The following LAMB1 variants were observed in gnomAD, a reference collection of about 807,000 sequenced individuals.
The protein encoded by LAMB1 is laminin subunit beta 1, also known as laminin subunit beta-1.
Under a neutral mutation model 222.3 loss-of-function variants are expected in LAMB1, and 121 were observed. That is an observed-to-expected ratio of 0.54 (90% CI 0.47 to 0.63). The LOEUF is 0.63. Ranked by LOEUF, LAMB1 falls within the 30% of genes least tolerant of loss-of-function variation. The pLI, the probability that LAMB1 is intolerant of heterozygous loss-of-function variation, is 0.00. For synonymous variants in LAMB1, 794 were observed against 807.2 expected (o/e 0.98, Z 0.28); for missense variants, 2,172 against 2,240.8 (o/e 0.97, Z 0.62).
chr7:107,957,377 T>C (rs931363893), intron 20 of LAMB1, among the ~76,000 whole-genome samples: 3 of 152,084 alleles, frequency 2.0e-5, no homozygotes, highest in South Asian at 2.1e-4. Flanking sequence ...AGCAACAGAA[T>C]GAGACTCCAT....
intron 7 of LAMB1, among the ~76,000 whole-genome samples, chr7:107,983,875 T>TA (rs2034021460): frequency 6.6e-6 from 1 of 152,118 alleles, no homozygotes; most frequent in Non-Finnish European, 1.5e-5. Context: ...AATTGTGTAA[T>TA]AAGAGCAGTT....
chr7:108,001,523 C>T (rs748287595), intron 3 of LAMB1, 35 bp downstream of exon 3: 19 of 1,546,926 alleles, frequency 1.2e-5, no homozygotes, highest in Non-Finnish European at 1.5e-5. Context: ...GGAGGAGGCG[C>T]TAGCAGAGCC....
chr7:107,977,569 C>T (rs1289307209), intron 9 of LAMB1, among the ~76,000 whole-genome samples: 5 of 152,062 alleles, frequency 3.3e-5, no homozygotes, highest in Admixed American at 6.5e-5. Flanking sequence ...GGGTAGATCA[C>T]TTGAGGTCAG....
chr7:107,964,736 C>T, intron 13 of LAMB1, 49 bp from the exon 14 acceptor site: 1 of 1,602,292 alleles, frequency 6.2e-7, no homozygotes, highest in Non-Finnish European at 8.5e-7. Flanking sequence ...TCACGCGAGT[C>T]AACCCGCCAG....
intron 20 of LAMB1, among the ~76,000 whole-genome samples, chr7:107,956,338 T>C (rs879511285): frequency 3.3e-5 from 5 of 152,266 alleles, no homozygotes; most frequent in Admixed American, 6.5e-5. Flanking sequence ...TCTCAAACTT[T>C]AGCTTCAATC....
chr7:107,969,054 C>T (rs1413127340), intron 13 of LAMB1, among the ~76,000 whole-genome samples: 12 of 151,942 alleles, frequency 7.9e-5, no homozygotes, highest in African/African-American at 2.4e-4. Context: ...TTTGGGAGTC[C>T]GAGGCGAGCG....
intron 24 of LAMB1, chr7:107,942,726 T>C (rs575288712): frequency 1.9e-4 from 29 of 152,236 alleles, no homozygotes; most frequent in African/African-American, 6.5e-4. Flanking sequence ...AATAAATAAA[T>C]TGTTTTTATT....
chr7:108,002,433 C>A, intron 2 of LAMB1: 5 of 1,307,594 alleles, frequency 3.8e-6, no homozygotes, highest in Non-Finnish European at 5.0e-6. Flanking sequence ...AGCCACATGG[C>A]CCCCATCTGT....
rs763705937 is a variant in LAMB1, at chr7:107,929,505, A to G, written c.4652T>C (p.Val1551Ala). 2 of 1,614,100 alleles carry G rather than the reference A, an allele frequency of 1.2e-6. No homozygotes were observed. The highest frequency in any genetic ancestry group is 1.7e-5 in the Admixed American group (1 of 60,022). ...QNLTEDIRER[V>A]ESLSQVEVIL... ...AACCTCTACTTGAGAAAGGCTTTCAACTCGTTCACGTATATCTTCTGTCAA... is the reference window on the plus strand; with the variant it reads ...AACCTCTACTTGAGAAAGGCTTTCAGCTCGTTCACGTATATCTTCTGTCAA... The change falls in exon 30 of 34, where the codon GTT (valine) becomes GCT (alanine). Residue 1551 changes from valine (V) to alanine (A), a missense_variant. Val to Ala is a moderately conservative substitution (Grantham distance 64, BLOSUM62 0). Transcript: ENST00000222399.
At chr7:107,979,185 T>C (rs1257641693) in intron 8 of LAMB1, among the ~76,000 whole-genome samples, 1 of 152,114 alleles carries the variant, frequency 6.6e-6, no homozygotes, top group Non-Finnish European at 1.5e-5. Flanking sequence ...GGGAACATAA[T>C]CTACCTAGCA....
At chr7:107,934,436 G>C (rs1283767625) in intron 27 of LAMB1, among the ~76,000 whole-genome samples, 2 of 152,112 alleles carry the variant, frequency 1.3e-5, no homozygotes, top group Admixed American at 6.5e-5. Context: ...ATTTCACATA[G>C]GTATCCTTCC....
At chr7:108,002,527 C>T (rs1197103265) in intron 2 of LAMB1, 24 of 1,031,096 alleles carry the variant, frequency 2.3e-5, no homozygotes, top group Non-Finnish European at 3.0e-5. Context: ...GCACCGCCAA[C>T]CCCAGGGAAC....
chr7:107,973,093 A>G (rs1439456409), intron 12 of LAMB1, 22 bp from the exon 13 acceptor site: 10 of 1,596,844 alleles, frequency 6.3e-6, no homozygotes, highest in Non-Finnish European at 8.6e-6. Context: ...AACGTGAAAC[A>G]TGTAACGGTA....
Position 107,950,923 on chromosome 7 carries a change from GGTGTGTGTGTGTGT to G in LAMB1, c.3391+289_3391+302del, listed in dbSNP as rs57060477. On this transcript the variant is annotated intron_variant, in intron 24 of 33. Coordinates refer to ENST00000222399, the MANE Select transcript of LAMB1 (RefSeq NM_002291.3). ...AAAAAGCAGCTCTGTGTGTATTTGTGGTGTGTGTGTGTGTGTGTGTGTGTGTGTGTGTGTGTGTG... is the reference window on the plus strand; with the variant it reads ...AAAAAGCAGCTCTGTGTGTATTTGTGGTGTGTGTGTGTGTGTGTGTGTGTG... Among the ~76,000 whole-genome samples, 62 of 147,854 alleles carry G rather than the reference GGTGTGTGTGTGTGT, an allele frequency of 4.2e-4. 1 individual carries two copies. Among genetic ancestry groups the G allele is most frequent in the South Asian group, 1.3e-3 (6 of 4,602 alleles).
rs565187405 is a variant in LAMB1, at chr7:107,940,013, A to G, written c.3737T>C (p.Ile1246Thr). The change falls in exon 25 of 34, where the codon ATT (isoleucine) becomes ACT (threonine). Residue 1246 changes from isoleucine (I) to threonine (T), a missense_variant. By Grantham distance (89) the Ile-to-Thr change is moderately conservative (BLOSUM62 -1). Transcript: ENST00000222399. ...QSPAAEPLKN[I>T]GNLFEEAEKL... ...CTCTGCTTCCTCAAAGAGATTCCCA[A>G]TGTTTTTCAGTGGCTCTGCTGCGGG... The G allele has an allele frequency of 6.3e-5, 101 of 1,613,842 alleles. 1 individual carries two copies. The East Asian group carries it at 6.7e-4, about 11-fold the overall frequency.
rs113854298 is a variant in LAMB1, at chr7:107,924,097, G to GAT, written c.5225-12_5225-11dup. ...TATTTTCTTTCTAAATCTGTGGGGA[G>GAT]ATATATATATATAAAGTCTGAGCAA... On this transcript the variant is annotated splice_polypyrimidine_tract_variant and intron_variant, in intron 33 of 33. Transcript: ENST00000222399. 235 of 1,476,524 alleles carry GAT rather than the reference G, an allele frequency of 1.6e-4. No individual in the cohort carries two copies. Among genetic ancestry groups the GAT allele is most frequent in the Non-Finnish European group, 1.9e-4 (205 of 1,105,678 alleles). The allele number at this position is 1,476,524 out of a possible 1,614,324, so 91.5% of individuals were successfully genotyped here.
At chr7:107,925,389 A>C (rs556293819) in intron 32 of LAMB1, among the ~76,000 whole-genome samples, 2 of 152,180 alleles carry the variant, frequency 1.3e-5, no homozygotes, top group African/African-American at 2.4e-5. Flanking sequence ...CTGTGCATGC[A>C]AGGGATCTAG....
At position 107,959,733 on chromosome 7, in the gene LAMB1, A is replaced by G; in HGVS notation, c.2416T>C (p.Cys806Arg). The change falls in exon 19 of 34, where the codon TGT becomes CGT. Residue 806 changes from cysteine (C) to arginine (R), a missense_variant. Physicochemically the swap from Cys to Arg is radical, Grantham distance 180. Coordinates refer to ENST00000222399, the MANE Select transcript of LAMB1 (RefSeq NM_002291.3). Reference protein sequence around the residue: ...PNVVGRTCNRCAPGTFGFGPS... With the variant: ...PNVVGRTCNRRAPGTFGFGPS... ...CCAAAGCCAAAAGTTCCAGGTGCAC[A>G]TCTGTTGCAGGTTCTTCCAACCACG... The G allele has an allele frequency of 6.2e-7, 1 of 1,614,208 alleles. No homozygotes were observed. The highest frequency in any genetic ancestry group is 8.5e-7 in the Non-Finnish European group (1 of 1,180,034).
intron 2 of LAMB1, chr7:108,002,072 C>T: frequency 6.8e-7 from 1 of 1,470,026 alleles, no homozygotes; most frequent in Middle Eastern, 2.4e-4. Context: ...AGACCCTCCA[C>T]TTCGACGTGT....
Sources: gnomAD v4.1 joint callset for allele counts (sites outside exome capture counted in the v4.1 genomes callset) on GRCh38, gnomAD v4.1.1 for gene constraint, MANE v1.5 for transcripts, NCBI Gene and HGNC (gene_info 2026-07-23, HGNC 2026-07-21) for gene names.